Variants in COL6A6 observed in about 807,000 individuals in gnomAD.
The protein encoded by COL6A6 is collagen alpha-6(VI) chain.
Under a neutral mutation model 208.6 loss-of-function variants are expected in COL6A6, and 183 were observed. That is an observed-to-expected ratio of 0.88 (90% CI 0.78 to 0.99). The LOEUF is 0.99. Among genes scored for constraint, COL6A6 ranks in the 50% least tolerant of loss-of-function variants. The pLI, the probability that COL6A6 is intolerant of heterozygous loss-of-function variation, is 0.00. For missense variants in COL6A6, 2,816 were observed against 2,815.2 expected, an observed-to-expected ratio of 1.00 and a Z score of -0.01; for synonymous variants, 973 against 1,011.8, an observed-to-expected ratio of 0.96 and a Z score of 0.73.
chr3:130,560,534 T>A, intron 2 of COL6A6, 106 bp downstream of exon 2: 1 of 979,246 alleles, frequency 1.0e-6, no homozygotes, highest in Non-Finnish European at 1.5e-6. Context: ...TTGTTTTGAT[T>A]TTGATGGTAG....
Position 130,661,761 on chromosome 3 carries a change from A to G in COL6A6, c.5955A>G (p.Arg1985=). 1 of 1,613,886 alleles carries G rather than the reference A, an allele frequency of 6.2e-7. No homozygotes were observed. Among genetic ancestry groups the G allele is most frequent in the Non-Finnish European group, 8.5e-7 (1 of 1,179,864 alleles). The stretch of plus-strand genomic sequence containing the variant: ...GAAGTGCTGAATTTGAAGACATAAG[A>G]GCCTTCCTTGGAGCACTATTAGATC... ...NMGSAEFEDI[R]AFLGALLDHF... is the part of the protein sequence containing the mutation. Residue 1985 remains arginine, a synonymous_variant, in exon 35 of 37, where the codon AGA becomes AGG. Transcript: ENST00000358511.
chr3:130,621,769 G>A (rs1398337264), intron 23 of COL6A6, 52 bp from the exon 24 acceptor site: 3 of 1,509,008 alleles, frequency 2.0e-6, no homozygotes, highest in Non-Finnish European at 2.8e-6. Flanking sequence ...AGGGTTTGAA[G>A]AAAAGTTGCT....
intron 1 of COL6A6, among the ~76,000 whole-genome samples, chr3:130,554,176 G>C (rs2062713090): frequency 6.6e-6 from 1 of 152,222 alleles, no homozygotes. Flanking sequence ...GTGCAGTTTT[G>C]CATGTGGCAC....
chr3:130,648,577 G>A (rs1416715199), intron 32 of COL6A6, among the ~76,000 whole-genome samples: 1 of 152,160 alleles, frequency 6.6e-6, no homozygotes, highest in African/African-American at 2.4e-5. Context: ...TACTCTCTTT[G>A]CGTCTCATTC....
At position 130,662,320 on chromosome 3, in the gene COL6A6, A is replaced by C; in HGVS notation, c.6502+12A>C. 1 of 1,604,398 alleles carries C rather than the reference A, an allele frequency of 6.2e-7. No individual in the cohort carries two copies. The highest frequency in any genetic ancestry group is 8.5e-7 in the Non-Finnish European group (1 of 1,173,954). Reference sequence around the variant, plus strand: ...AAACTCAATCAGGCGTAAGTCATAAAATCTGTTGTTCTCTGCACTTTAAGA... The same window carrying C: ...AAACTCAATCAGGCGTAAGTCATAACATCTGTTGTTCTCTGCACTTTAAGA... On this transcript the variant is annotated intron_variant, in intron 35 of 36. Transcript: ENST00000358511.
chr3:130,619,343 A>G (rs929102309), intron 23 of COL6A6, among the ~76,000 whole-genome samples: 1 of 152,120 alleles, frequency 6.6e-6, no homozygotes, highest in Non-Finnish European at 1.5e-5. Flanking sequence ...CCCTAGAGGG[A>G]AAAAAATGGA....
chr3:130,558,173 G>A (rs1254610227), intron 1 of COL6A6, among the ~76,000 whole-genome samples: 1 of 152,160 alleles, frequency 6.6e-6, no homozygotes, highest in African/African-American at 2.4e-5. Flanking sequence ...TATAATGTAA[G>A]TATGAAAATC....
intron 33 of COL6A6, among the ~76,000 whole-genome samples, chr3:130,654,277 T>C (rs2065727811): frequency 6.6e-6 from 1 of 151,220 alleles, no homozygotes; most frequent in Admixed American, 6.7e-5. Context: ...CCTGATTTCT[T>C]CTAGATCAAA....
At chr3:130,642,772 C>A in intron 29 of COL6A6, 60 bp from the exon 30 acceptor site, 1 of 1,466,368 alleles carries the variant, frequency 6.8e-7, no homozygotes. Flanking sequence ...TGTTGGTGCA[C>A]ACTGGCTACT....
chr3:130,617,840 A>G (rs187435616), intron 23 of COL6A6, among the ~76,000 whole-genome samples: 1 of 152,280 alleles, frequency 6.6e-6, no homozygotes, highest in East Asian at 1.9e-4. Flanking sequence ...TATCTAATCC[A>G]AAGTCAAGGT....
intron 31 of COL6A6, among the ~76,000 whole-genome samples, chr3:130,644,449 A>G (rs6798745): frequency 1.3e-5 from 2 of 152,068 alleles, no homozygotes; most frequent in Non-Finnish European, 2.9e-5. Flanking sequence ...TGTGGCTGCC[A>G]TGTTGAACAG....
intron 1 of COL6A6, among the ~76,000 whole-genome samples, chr3:130,534,989 C>T (rs533205305): frequency 6.6e-6 from 1 of 152,094 alleles, no homozygotes; most frequent in Non-Finnish European, 1.5e-5. Flanking sequence ...CATCAAATCT[C>T]ATTCATTTGT....
intron 28 of COL6A6, among the ~76,000 whole-genome samples, chr3:130,640,929 GC>G (rs1165755831): frequency 1.3e-5 from 2 of 152,050 alleles, no homozygotes; most frequent in Non-Finnish European, 2.9e-5. Flanking sequence ...CCTTTGACCA[GC>G]AATTCTAGTC....
At chr3:130,569,332 A>T (rs2063105461) in intron 6 of COL6A6, among the ~76,000 whole-genome samples, 1 of 152,220 alleles carries the variant, frequency 6.6e-6, no homozygotes, top group Admixed American at 6.5e-5. Context: ...GGAAGTAAGG[A>T]ACCTAGTCCC....
At chr3:130,560,586 C>T (rs190045063) in intron 2 of COL6A6, among the ~76,000 whole-genome samples, 158 bp downstream of exon 2, 1 of 152,244 alleles carries the variant, frequency 6.6e-6, no homozygotes, top group African/African-American at 2.4e-5. Context: ...TAAGGTCACT[C>T]CATATTCCTT....
chr3:130,581,504 G>A, intron 8 of COL6A6, 57 bp from the exon 9 acceptor site: 1 of 1,260,364 alleles, frequency 7.9e-7, no homozygotes, highest in Non-Finnish European at 1.1e-6. Flanking sequence ...CATGGTGTCT[G>A]AGTTAAATAA....
Position 130,643,031 on chromosome 3 carries a change from C to A in COL6A6, c.5227+8C>A, listed in dbSNP as rs759087778. On this transcript the variant is annotated splice_region_variant and intron_variant, in intron 31 of 36. Transcript: ENST00000358511. ...ATGTGCGAGACCGCAGTCGTAAGTACCCTGCTTAAAATGATCACCCAAGTT... is the reference window on the plus strand; with the variant it reads ...ATGTGCGAGACCGCAGTCGTAAGTAACCTGCTTAAAATGATCACCCAAGTT... The A allele has an allele frequency of 2.2e-5, 36 of 1,612,434 alleles. No homozygotes were observed. In the Admixed American group the frequency reaches 2.5e-4, roughly 11 times the overall value.
At chr3:130,668,301 A>C (rs992305175) in intron 36 of COL6A6, among the ~76,000 whole-genome samples, 9 of 152,092 alleles carry the variant, frequency 5.9e-5, no homozygotes, top group Non-Finnish European at 8.8e-5. Flanking sequence ...ACATGGTGAA[A>C]CCTCATCTCT....
intron 35 of COL6A6, among the ~76,000 whole-genome samples, chr3:130,663,291 G>C (rs2065984384): frequency 6.6e-6 from 1 of 152,168 alleles, no homozygotes; most frequent in South Asian, 2.1e-4. Context: ...TAGTACCAGT[G>C]TCACTTGGGA....
Sources: gnomAD v4.1 joint callset for allele counts (sites outside exome capture counted in the v4.1 genomes callset) on GRCh38, gnomAD v4.1.1 for gene constraint, MANE v1.5 for transcripts, NCBI Gene and HGNC (gene_info 2026-07-23, HGNC 2026-07-21) for gene names.